Variants in PRKG1 observed in about 807,000 individuals in gnomAD.
PRKG1 encodes the protein cGMP-dependent protein kinase 1.
Under a neutral mutation model 88.1 loss-of-function variants are expected in PRKG1, and 35 were observed. That is an observed-to-expected ratio of 0.40 (90% CI 0.30 to 0.53). PRKG1 has a LOEUF of 0.53. Among genes scored for constraint, PRKG1 ranks in the 20% least tolerant of loss-of-function variants. The pLI is 0.59. For synonymous variants in PRKG1, 303 were observed against 292.5 expected (o/e 1.04, Z -0.37); for missense variants, 540 against 839.8 (o/e 0.64, Z 4.41).
intron 10 of PRKG1, among the ~76,000 whole-genome samples, chr10:52,267,596 A>G (rs944537566): frequency 2.0e-5 from 3 of 152,026 alleles, no homozygotes; most frequent in Admixed American, 6.6e-5. Context: ...TGATGAACAC[A>G]TTTCTGATTG....
intron 2 of PRKG1, among the ~76,000 whole-genome samples, chr10:51,438,762 C>T (rs560208024): frequency 1.3e-5 from 2 of 151,890 alleles, no homozygotes; most frequent in Non-Finnish European, 2.9e-5. Context: ...TTTTACTGGC[C>T]AATGAAGGGT....
At chr10:51,970,688 T>C (rs1440668134) in intron 5 of PRKG1, among the ~76,000 whole-genome samples, 1 of 146,708 alleles carries the variant, frequency 6.8e-6, no homozygotes, top group Non-Finnish European at 1.5e-5. Flanking sequence ...AATCATCTGA[T>C]ATATATATCA....
chr10:51,883,607 C>T (rs922887617), intron 4 of PRKG1, among the ~76,000 whole-genome samples: 2 of 152,042 alleles, frequency 1.3e-5, no homozygotes, highest in Admixed American at 1.3e-4. Flanking sequence ...ATTAAGCAAC[C>T]AATAGTTGTT....
intron 5 of PRKG1, among the ~76,000 whole-genome samples, chr10:52,014,374 C>T (rs1319681260): frequency 6.6e-6 from 1 of 152,012 alleles, no homozygotes; most frequent in African/African-American, 2.4e-5. Flanking sequence ...ACCATCAGAT[C>T]CCATGAGAAC....
At chr10:51,343,828 AG>A (rs1842053880) in intron 2 of PRKG1, among the ~76,000 whole-genome samples, 2 of 152,166 alleles carry the variant, frequency 1.3e-5, no homozygotes, top group Non-Finnish European at 2.9e-5. Context: ...ATCGAAGCTC[AG>A]GTCTTTGTAT....
intron 3 of PRKG1, among the ~76,000 whole-genome samples, chr10:51,588,900 C>CT (rs138407261): frequency 0.068 from 10,374 of 151,702 alleles, 1,163 homozygotes; most frequent in African/African-American, 0.23. Context: ...AGTTACTTCC[C>CT]TTTTTTTTCA....
chr10:51,917,705 T>C (rs528293640), intron 5 of PRKG1, among the ~76,000 whole-genome samples: 51 of 152,300 alleles, frequency 3.3e-4, no homozygotes, highest in Non-Finnish European at 6.2e-4. Flanking sequence ...TACTTACACG[T>C]TGATTTAGTG....
chr10:51,370,785 A>G (rs960971966), intron 2 of PRKG1, among the ~76,000 whole-genome samples: 1 of 152,170 alleles, frequency 6.6e-6, no homozygotes, highest in Admixed American at 6.6e-5. Flanking sequence ...GGTATTTTAC[A>G]TGAGGTTTTT....
chr10:51,855,160 T>C (rs1840648402), intron 4 of PRKG1, among the ~76,000 whole-genome samples: 1 of 152,166 alleles, frequency 6.6e-6, no homozygotes, highest in Non-Finnish European at 1.5e-5. Context: ...AGAAAAATGG[T>C]AATAGCTTAG....
intron 14 of PRKG1, among the ~76,000 whole-genome samples, chr10:52,283,943 A>G (rs995380409): frequency 6.6e-6 from 1 of 152,038 alleles, no homozygotes; most frequent in Admixed American, 6.6e-5. Flanking sequence ...ATTAAACATG[A>G]CAACTTATAT....
At chr10:51,462,789 TCATA>T (rs1259882305) in intron 2 of PRKG1, among the ~76,000 whole-genome samples, 12 of 152,200 alleles carry the variant, frequency 7.9e-5, no homozygotes, top group Admixed American at 7.9e-4. Flanking sequence ...AAATCTTCTC[TCATA>T]CAAACAACTT....
chr10:51,515,439 G>A (rs1045267612), intron 3 of PRKG1, among the ~76,000 whole-genome samples: 10 of 152,164 alleles, frequency 6.6e-5, no homozygotes, highest in Non-Finnish European at 8.8e-5. Context: ...ATAATTCATG[G>A]TTGTGTCTAG....
intron 5 of PRKG1, among the ~76,000 whole-genome samples, chr10:52,032,407 T>A (rs555282105): frequency 6.6e-6 from 1 of 152,298 alleles, no homozygotes; most frequent in Non-Finnish European, 1.5e-5. Flanking sequence ...TCTGGTAAAA[T>A]AGAGATCATA....
intron 3 of PRKG1, among the ~76,000 whole-genome samples, chr10:51,785,766 T>C (rs1418708958): frequency 6.6e-6 from 1 of 152,108 alleles, no homozygotes; most frequent in East Asian, 1.9e-4. Context: ...TCACGCCATG[T>C]TTAAATACAT....
At chr10:51,334,807 T>A (rs1456887459) in intron 2 of PRKG1, among the ~76,000 whole-genome samples, 2 of 152,064 alleles carry the variant, frequency 1.3e-5, no homozygotes, top group East Asian at 3.9e-4. Context: ...GCATGGTGAC[T>A]AAAGGAGCCC....
At position 51,389,198 on chromosome 10, in the gene PRKG1, TC is replaced by T. The variant is rs1347280663; in HGVS notation, c.479-78523del. ...ATCTTTTTAAAAGATATCTTGTTTT[TC>T]CTCTTTCTTATGACCAATTTTCATA... On this transcript the variant is annotated intron_variant, in intron 2 of 17. Coordinates refer to ENST00000373980, the MANE Select transcript of PRKG1 (RefSeq NM_006258.4). Among the ~76,000 whole-genome samples, 4 of 152,354 alleles carry T rather than the reference TC, an allele frequency of 2.6e-5. No individual in the cohort carries two copies. The East Asian group carries it at 5.8e-4, about 22-fold the overall frequency.
intron 1 of PRKG1, among the ~76,000 whole-genome samples, chr10:51,151,107 C>A: frequency 1.4e-5 from 2 of 144,320 alleles, no homozygotes; most frequent in Admixed American, 7.0e-5. Flanking sequence ...ACTATGAACC[C>A]ATCAAATGGC....
chr10:51,783,074 A>T (rs994918513), intron 3 of PRKG1, among the ~76,000 whole-genome samples: 1 of 152,116 alleles, frequency 6.6e-6, no homozygotes, highest in Non-Finnish European at 1.5e-5. Context: ...TATTAAAAAA[A>T]GTCTCTTTTA....
intron 4 of PRKG1, among the ~76,000 whole-genome samples, chr10:51,829,772 C>G (rs1227902906): frequency 1.3e-5 from 2 of 152,156 alleles, no homozygotes; most frequent in Non-Finnish European, 2.9e-5. Context: ...CATTTTCCTG[C>G]TCTTCCAACT....
Sources: gnomAD v4.1 joint callset for allele counts (sites outside exome capture counted in the v4.1 genomes callset) on GRCh38, gnomAD v4.1.1 for gene constraint, MANE v1.5 for transcripts, NCBI Gene and HGNC (gene_info 2026-07-23, HGNC 2026-07-21) for gene names.